The following EVX1 variants were observed in gnomAD, a reference collection of about 807,000 sequenced individuals.
EVX1 encodes the protein even-skipped homeobox 1.
EVX1 carries 19 observed loss-of-function variants against 28.6 expected under a neutral mutation model. The observed-to-expected ratio is 0.67, with a 90% confidence interval of 0.46 to 0.98. The LOEUF (loss-of-function observed/expected upper bound fraction) is 0.98, where lower values mean the gene tolerates loss of function less well. Ranked by LOEUF, EVX1 falls within the 50% of genes least tolerant of loss-of-function variation. The pLI is 0.00. For synonymous variants in EVX1, 324 were observed against 278.2 expected, an observed-to-expected ratio of 1.16 and a Z score of -1.64; for missense variants, 660 against 583.0, an observed-to-expected ratio of 1.13 and a Z score of -1.36.
Position 27,245,809 on chromosome 7 carries a change from C to G in EVX1, c.685-77C>G, listed in dbSNP as rs371216004. 4 of 1,528,100 alleles carry G rather than the reference C, an allele frequency of 2.6e-6. No individual in the cohort carries two copies. In the African/African-American group the frequency reaches 4.1e-5, roughly 16 times the overall value. The allele number at this position is 1,528,100 out of a possible 1,614,324, so 94.7% of individuals were successfully genotyped here. A position where few individuals can be genotyped will look rare whatever the true frequency, so the allele number is the denominator to read the frequency against. ...GTTCCTGCCCTGCGAACACTGTCCC[C>G]GGAGCGGGACCAGACTACTGGCCTC... On this transcript the variant is annotated intron_variant, in intron 2 of 2. Coordinates refer to ENST00000496902, the MANE Select transcript of EVX1 (RefSeq NM_001989.5).
intron 1 of EVX1, 72 bp from the exon 2 acceptor site, chr7:27,244,976 C>A: frequency 6.5e-7 from 1 of 1,549,804 alleles, no homozygotes; most frequent in South Asian, 1.2e-5. Flanking sequence ...CCACCTTAGG[C>A]CTACAGCCCC....
Position 27,243,125 on chromosome 7 carries a change from G to A in EVX1, c.95G>A (p.Gly32Asp), listed in dbSNP as rs1475316099. ...GTCTCAAATTTGTCCGAAGCCGTGG[G>A]CAGCCCGCTGCCGGAGCCGCCCGAG... The part of the protein sequence containing the change: ...KRVSNLSEAV[G>D]SPLPEPPEKM... The change falls in exon 1 of 3, where the codon GGC (glycine) becomes GAC (aspartate). Residue 32 changes from glycine to aspartate, a missense_variant. Physicochemically the swap from Gly to Asp is moderately conservative, Grantham distance 94. Around this residue, in one of 3 missense-constraint regions of EVX1, gnomAD observed 308 missense variants for 256.6 expected, o/e 1.20. Coordinates refer to ENST00000496902, the MANE Select transcript of EVX1 (RefSeq NM_001989.5). The A allele has an allele frequency of 1.2e-6, 2 of 1,610,144 alleles. No individual in the cohort carries two copies. The highest frequency in any genetic ancestry group is 1.1e-5 in the South Asian group (1 of 90,084).
At chr7:27,243,704 G>C (rs1241578248) in intron 1 of EVX1, 5 of 449,696 alleles carry the variant, frequency 1.1e-5, no homozygotes, top group Admixed American at 8.2e-5. Context: ...TCCTGGACTT[G>C]GGGGATTCGA....
rs893678294 is a variant in EVX1, at chr7:27,245,438, C to T, written c.684+134C>T. The T allele has an allele frequency of 1.0e-5, 13 of 1,274,456 alleles. No individual in the cohort carries two copies. In the African/African-American group the frequency reaches 1.8e-4, roughly 17 times the overall value. 78.9% of individuals were successfully genotyped at this position (1,274,456 alleles called of 1,614,324 possible). ...CCTGCCCGGCGCGTGCAGATTGACC[C>T]TCGTGACAGCTCCTAGGCAGGCATT... On this transcript the variant is annotated intron_variant, in intron 2 of 2. Coordinates refer to ENST00000496902, the MANE Select transcript of EVX1 (RefSeq NM_001989.5).
At position 27,245,160 on chromosome 7, in the gene EVX1, T is replaced by C; in HGVS notation, c.540T>C (p.Ser180=). 2 of 1,613,292 alleles carry C rather than the reference T, an allele frequency of 1.2e-6. No individual in the cohort carries two copies. The highest frequency in any genetic ancestry group is 8.5e-7 in the Non-Finnish European group (1 of 1,180,026). Residue 180 remains serine (S), a synonymous_variant, in exon 2 of 3, where the codon AGT becomes AGC. Transcript: ENST00000496902. ...AAGGCACCCTGGCGTGCAGCGCCAG[T>C]GACCAGATGCGTCGTTACCGCACCG... The part of the protein sequence containing the change: ...GSQGTLACSA[S]DQMRRYRTAF...
At chr7:27,245,422 C>T (rs983058602) in intron 2 of EVX1, 118 bp downstream of exon 2, 8 of 1,429,978 alleles carry the variant, frequency 5.6e-6, no homozygotes, top group Admixed American at 2.0e-5. Flanking sequence ...CCCTGCCCGG[C>T]GCGTGCAGAT....
Position 27,243,192 on chromosome 7 carries a change from T to C in EVX1, c.162T>C (p.Pro54=). 6.4e-7 allele frequency: 1 copy of C among 1,564,624 alleles called. No individual in the cohort carries two copies. Among genetic ancestry groups the C allele is most frequent in the Non-Finnish European group, 8.7e-7 (1 of 1,154,960 alleles). Residue 54 remains proline (P), a synonymous_variant, in exon 1 of 3, where the codon CCT becomes CCC. Coordinates refer to ENST00000496902, the MANE Select transcript of EVX1 (RefSeq NM_001989.5). ...PRGCLSPRAV[P]PATRERGGGG... ...GTTGCCTGAGCCCTCGGGCCGTCCCTCCGGCCACCCGGGAGCGCGGCGGGG... is the reference window on the plus strand; with the variant it reads ...GTTGCCTGAGCCCTCGGGCCGTCCCCCCGGCCACCCGGGAGCGCGGCGGGG...
intron 2 of EVX1, 141 bp downstream of exon 2, chr7:27,245,445 C>A: frequency 8.0e-7 from 1 of 1,253,074 alleles, no homozygotes; most frequent in Non-Finnish European, 1.1e-6. Context: ...ACCCTCGTGA[C>A]AGCTCCTAGG....
chr7:27,246,174 GC>G lies in EVX1; in HGVS notation c.975del (p.Phe326SerfsTer140). ...CTACCCGCGGCCCGAACTGCTGTGCGCCTTCCGCCACCCGCCGCTCTACCCC... is the reference window on the plus strand; with the variant it reads ...CTACCCGCGGCCCGAACTGCTGTGCGCTTCCGCCACCCGCCGCTCTACCCC... ...QPYPRPELLCAFRHPPLYPGP... is the reference protein window; with the variant it reads ...QPYPRPELLCXFRHPPLYPGP... On this transcript the variant is annotated frameshift_variant, in exon 3 of 3. Transcript: ENST00000496902. LOFTEE classifies it high-confidence loss of function. 1 of 1,490,452 alleles carries G rather than the reference GC, an allele frequency of 6.7e-7. No individual in the cohort carries two copies. The highest frequency in any genetic ancestry group is 8.8e-7 in the Non-Finnish European group (1 of 1,130,162). The allele number at this position is 1,490,452 out of a possible 1,614,324, so 92.3% of individuals were successfully genotyped here. A position where few individuals can be genotyped will look rare whatever the true frequency, so the allele number is the denominator to read the frequency against.
In EVX1 at chr7:27,246,492, C is replaced by G. The variant is rs531851784; in HGVS notation, c.*67C>G. The G allele has an allele frequency of 1.4e-6, 2 of 1,473,766 alleles. No individual in the cohort carries two copies. The highest frequency in any genetic ancestry group is 4.1e-5 in the Admixed American group (2 of 48,920). 91.3% of individuals were successfully genotyped at this position (1,473,766 alleles called of 1,614,324 possible). A position where few individuals can be genotyped will look rare whatever the true frequency, so the allele number is the denominator to read the frequency against. ...TCACCCCCCGGCCCCGGGACTCAGC[C>G]AGCCTCGCTCCTCGCTCCTCGCTCC... On this transcript the variant is annotated 3_prime_UTR_variant, in exon 3 of 3. Coordinates refer to ENST00000496902, the MANE Select transcript of EVX1 (RefSeq NM_001989.5).
In EVX1 at chr7:27,243,167, G is replaced by C. The variant is rs766474661; in HGVS notation, c.137G>C (p.Gly46Ala). The C allele has an allele frequency of 4.4e-6, 7 of 1,586,782 alleles. No homozygotes were observed. In the African/African-American group the frequency reaches 8.1e-5, roughly 18 times the overall value. The change falls in exon 1 of 3, where the codon GGT becomes GCT. Residue 46 changes from glycine to alanine, a missense_variant. By Grantham distance (60) the Gly-to-Ala change is moderately conservative. This residue lies in a region of EVX1 where 308 missense variants were observed against 256.6 expected (regional missense o/e 1.20). Transcript: ENST00000496902. ...CCGCCCGAGAAAATGGTGCCCCGTGGTTGCCTGAGCCCTCGGGCCGTCCCT... is the reference window on the plus strand; with the variant it reads ...CCGCCCGAGAAAATGGTGCCCCGTGCTTGCCTGAGCCCTCGGGCCGTCCCT... ...PEPPEKMVPR[G>A]CLSPRAVPPA... is the part of the protein sequence containing the mutation.
intron 1 of EVX1, 116 bp from the exon 2 acceptor site, chr7:27,244,932 T>A: frequency 6.9e-7 from 1 of 1,456,722 alleles, no homozygotes; most frequent in Non-Finnish European, 9.2e-7. Context: ...GTTACTGAGG[T>A]GGCTGACAGG....
intron 1 of EVX1, chr7:27,244,419 T>TG (rs1333061621): frequency 1.1e-6 from 1 of 912,636 alleles, no homozygotes; most frequent in African/African-American, 1.8e-5. Context: ...AACGCCTTGT[T>TG]GAATACCTGC....
chr7:27,246,140 G>C lies in EVX1; in HGVS notation c.939G>C (p.Leu313=), dbSNP rs1388691623. 2.2e-5 allele frequency: 34 copies of C among 1,522,532 alleles called. No homozygotes were observed. Among genetic ancestry groups the C allele is most frequent in the Non-Finnish European group, 3.0e-5 (34 of 1,144,922 alleles). 94.3% of individuals were successfully genotyped at this position (1,522,532 alleles called of 1,614,324 possible). A position where few individuals can be genotyped will look rare whatever the true frequency, so the allele number is the denominator to read the frequency against. ...SLRPLDTFRV[L]SQPYPRPELL... is the part of the protein sequence containing the mutation. Reference sequence around the variant, plus strand: ...GCCCGCTCGACACGTTCCGCGTGCTGTCGCAGCCCTACCCGCGGCCCGAAC... The same window carrying C: ...GCCCGCTCGACACGTTCCGCGTGCTCTCGCAGCCCTACCCGCGGCCCGAAC... Residue 313 remains leucine (L), a synonymous_variant, in exon 3 of 3, where the codon CTG becomes CTC. Transcript: ENST00000496902.
In EVX1 at chr7:27,245,283, C is replaced by G; in HGVS notation, c.663C>G (p.Asn221Lys). The change falls in exon 2 of 3, where the codon AAC becomes AAG. Residue 221 changes from asparagine to lysine, a missense_variant. Asn to Lys is a moderately conservative substitution (Grantham distance 94). Around this residue, in one of 3 missense-constraint regions of EVX1, gnomAD observed 53 missense variants for 85.1 expected, o/e 0.62. Coordinates refer to ENST00000496902, the MANE Select transcript of EVX1 (RefSeq NM_001989.5). ...PRRCELAAAL[N>K]LPETTIKVWF... Reference sequence around the variant, plus strand: ...GATGTGAGCTGGCGGCCGCCCTAAACCTGCCGGAAACCACCATCAAGGTAT... The same window carrying G: ...GATGTGAGCTGGCGGCCGCCCTAAAGCTGCCGGAAACCACCATCAAGGTAT... 6.2e-7 allele frequency: 1 copy of G among 1,613,350 alleles called. No homozygotes were observed.
rs926560248 is a variant in EVX1, at chr7:27,242,812, C to A, written c.-219C>A. The A allele has an allele frequency of 3.8e-6, 2 of 528,390 alleles. No homozygotes were observed. 32.7% of individuals were successfully genotyped at this position (528,390 alleles called of 1,614,324 possible). A position where few individuals can be genotyped will look rare whatever the true frequency, so the allele number is the denominator to read the frequency against. On this transcript the variant is annotated 5_prime_UTR_variant, in exon 1 of 3. Transcript: ENST00000496902. ...ATGGGGCTTCCTCCCAGAGGCGGTG[C>A]GGCACAGAGGAGCGCTCGCTTCACA...
At chr7:27,244,527 T>A in intron 1 of EVX1, 1 of 987,654 alleles carries the variant, frequency 1.0e-6, no homozygotes, top group Non-Finnish European at 1.2e-6. Context: ...AGGTAATAAA[T>A]AAGATACTCA....
At position 27,246,230 on chromosome 7, in the gene EVX1, C is replaced by A; in HGVS notation, c.1029C>A (p.Ala343=). The change falls in exon 3 of 3, where the codon GCC becomes GCA. Residue 343 remains alanine, a synonymous_variant. Transcript: ENST00000496902. ...CCGCGCACGGACTGGGCGCCTCTGC[C>A]GGCGGCCCCTGCTCCTGCCTCGCCT... The part of the protein sequence containing the change: ...PGPAHGLGAS[A]GGPCSCLACH... 6.6e-7 allele frequency: 1 copy of A among 1,519,216 alleles called. No homozygotes were observed. Among genetic ancestry groups the A allele is most frequent in the South Asian group, 1.2e-5 (1 of 82,050 alleles). 94.1% of individuals were successfully genotyped at this position (1,519,216 alleles called of 1,614,324 possible). A position where few individuals can be genotyped will look rare whatever the true frequency, so the allele number is the denominator to read the frequency against.
chr7:27,246,114 C>T lies in EVX1; in HGVS notation c.913C>T (p.Arg305Cys), dbSNP rs780943586. Residue 305 changes from arginine (R) to cysteine (C), a missense_variant, in exon 3 of 3, where the codon CGC becomes TGC. This residue lies in a region of EVX1 where 299 missense variants were observed against 241.3 expected (regional missense o/e 1.24). Coordinates refer to ENST00000496902, the MANE Select transcript of EVX1 (RefSeq NM_001989.5). ...AAASPFSGSL[R>C]PLDTFRVLSQ... The stretch of plus-strand genomic sequence containing the variant: ...CGCCTCGCCCTTCAGCGGCTCGCTG[C>T]GCCCGCTCGACACGTTCCGCGTGCT... 1.9e-6 allele frequency: 3 copies of T among 1,543,668 alleles called. No homozygotes were observed. The South Asian group carries it at 3.5e-5, about 18-fold the overall frequency.
Sources: allele counts gnomAD v4.1 joint callset, GRCh38; gene constraint gnomAD v4.1.1; regional missense constraint gnomAD v4.1.1; transcripts MANE v1.5; gene names NCBI Gene and HGNC (gene_info 2026-07-23, HGNC 2026-07-21).